The following RAPGEF5 variants were observed in gnomAD, a reference collection of about 807,000 sequenced individuals.
RAPGEF5 encodes the protein Rap guanine nucleotide exchange factor 5, also known as M-Ras-regulated GEF.
A neutral mutation model predicts 125.2 loss-of-function variants in RAPGEF5; 65 were observed. The observed-to-expected ratio is 0.52, with a 90% CI of 0.43 to 0.64. RAPGEF5 has a LOEUF of 0.64. Among genes scored for constraint, RAPGEF5 ranks in the 30% least tolerant of loss-of-function variants. RAPGEF5 has a pLI of 0.00. For synonymous variants in RAPGEF5, 391 were observed against 385.9 expected, an observed-to-expected ratio of 1.01 and a Z score of -0.16; for missense variants, 958 against 1,048.1, an observed-to-expected ratio of 0.91 and a Z score of 1.19.
rs1166965859 is a variant in RAPGEF5 at position 22,120,953 on chromosome 7, A to G, written c.*1453T>C. On this transcript the variant is annotated 3_prime_UTR_variant, in exon 26 of 26. Coordinates refer to ENST00000665637, the MANE Select transcript of RAPGEF5 (RefSeq NM_012294.5). This position sits in a 1 kb window ranked among gnomAD's most constrained non-coding sequence, Gnocchi z 4.0. The stretch of plus-strand genomic sequence containing the variant: ...AAAAAGGAAACAGGTCTGTGTGGGC[A>G]TGAAAGAGATGAACAGGCAGGAAGA... 2.0e-5 allele frequency: 3 copies of G among 152,274 alleles called. No individual in the cohort carries two copies. The highest frequency in any genetic ancestry group is 4.4e-5 in the Non-Finnish European group (3 of 68,078). The allele number at this position is 152,274 out of a possible 1,614,324, so 9.4% of individuals were successfully genotyped here.
chr7:22,268,184 T>G (rs1782330232), intron 6 of RAPGEF5, among the ~76,000 whole-genome samples: 1 of 152,188 alleles, frequency 6.6e-6, no homozygotes, highest in East Asian at 1.9e-4. Context: ...TTTGACACTG[T>G]AAGATTCTCT....
chr7:22,201,693 C>G (rs1024018833), intron 9 of RAPGEF5, among the ~76,000 whole-genome samples: 36 of 152,236 alleles, frequency 2.4e-4, no homozygotes, highest in African/African-American at 8.7e-4. Flanking sequence ...TTGCTTCACA[C>G]TCTGCACTTC....
chr7:22,135,369 A>G (rs1783048016), intron 23 of RAPGEF5, among the ~76,000 whole-genome samples: 1 of 152,250 alleles, frequency 6.6e-6, no homozygotes, highest in African/African-American at 2.4e-5. Flanking sequence ...GGTATACACC[A>G]GATTAAAAAG....
chr7:22,273,924 C>T (rs1286464231), intron 6 of RAPGEF5, among the ~76,000 whole-genome samples: 1 of 152,206 alleles, frequency 6.6e-6, no homozygotes, highest in African/African-American at 2.4e-5. Context: ...ATAGTATCCA[C>T]AGGAGAATGA....
At chr7:22,245,990 A>G (rs757234801) in intron 7 of RAPGEF5, among the ~76,000 whole-genome samples, 1 of 151,966 alleles carries the variant, frequency 6.6e-6, no homozygotes, top group Non-Finnish European at 1.5e-5. Flanking sequence ...CAGCCACACA[A>G]AAAACAAAAT....
intron 11 of RAPGEF5, among the ~76,000 whole-genome samples, chr7:22,179,070 AT>A (rs988470656): frequency 1.3e-5 from 2 of 152,194 alleles, no homozygotes; most frequent in Non-Finnish European, 2.9e-5. Flanking sequence ...TCTATCACTC[AT>A]GAAATTCCAT....
chr7:22,199,443 G>A (rs868591835), intron 9 of RAPGEF5, among the ~76,000 whole-genome samples: 3 of 150,144 alleles, frequency 2.0e-5, no homozygotes, highest in Non-Finnish European at 4.4e-5. Flanking sequence ...AAGCTGCCTC[G>A]GGCCTGATGG....
At chr7:22,129,193 T>A (rs1782839740) in intron 24 of RAPGEF5, among the ~76,000 whole-genome samples, 1 of 152,054 alleles carries the variant, frequency 6.6e-6, no homozygotes, top group African/African-American at 2.4e-5. Context: ...TTGGTGGCAC[T>A]ATCTGAGGGG....
rs1185081504 is a variant in RAPGEF5 at position 22,189,523 on chromosome 7, TTC to T, written c.1204+3842_1204+3843del. 2.6e-5 allele frequency among the ~76,000 whole-genome samples: 4 copies of T among 152,200 alleles called. No homozygotes were observed. In the East Asian group the frequency reaches 7.7e-4, roughly 29 times the overall value. ...TCTAACTCACAGCTCCTTGTTTTTT[TTC>T]TTTCTTACCTTCCTCGTAATTCTCT... On this transcript the variant is annotated intron_variant, in intron 11 of 25. Transcript: ENST00000665637.
chr7:22,258,989 C>T (rs1782079520), intron 7 of RAPGEF5, among the ~76,000 whole-genome samples: 1 of 152,034 alleles, frequency 6.6e-6, no homozygotes, highest in South Asian at 2.1e-4. Context: ...GAAGGCATGA[C>T]TCATGCGAGA....
chr7:22,162,305 G>T, intron 13 of RAPGEF5, 92 bp downstream of exon 13: 1 of 1,313,936 alleles, frequency 7.6e-7, no homozygotes, highest in Non-Finnish European at 1.1e-6. Context: ...AAAGCTGAAT[G>T]ACTGTTACCT....
chr7:22,150,714 A>G (rs191100264), intron 17 of RAPGEF5, among the ~76,000 whole-genome samples: 34 of 152,342 alleles, frequency 2.2e-4, no homozygotes, highest in African/African-American at 7.9e-4. Flanking sequence ...GCGGTCAGAA[A>G]GTGGAGTCCT....
intron 1 of RAPGEF5, among the ~76,000 whole-genome samples, chr7:22,331,623 T>C (rs1783920257): frequency 1.3e-5 from 2 of 151,428 alleles, no homozygotes; most frequent in African/African-American, 4.9e-5. Context: ...TGGGCGCCCG[T>C]AGTCCCAGCT....
intron 6 of RAPGEF5, among the ~76,000 whole-genome samples, chr7:22,288,705 G>C (rs984251302): frequency 1.1e-4 from 17 of 151,912 alleles, no homozygotes; most frequent in African/African-American, 4.1e-4. Flanking sequence ...TGTATTTTTA[G>C]TAGAGATGGG....
At chr7:22,185,350 C>T (rs1316017599) in intron 11 of RAPGEF5, among the ~76,000 whole-genome samples, 1 of 152,194 alleles carries the variant, frequency 6.6e-6, no homozygotes, top group African/African-American at 2.4e-5. Flanking sequence ...GAACCTGGTT[C>T]TCATAGCTAG....
chr7:22,147,799 G>A (rs919514974), intron 18 of RAPGEF5, among the ~76,000 whole-genome samples: 3 of 152,068 alleles, frequency 2.0e-5, no homozygotes, highest in Admixed American at 1.3e-4. Flanking sequence ...CATTTGAAGC[G>A]TTAGATTTGA....
At chr7:22,185,998 G>A (rs533269040) in intron 11 of RAPGEF5, among the ~76,000 whole-genome samples, 2 of 152,098 alleles carry the variant, frequency 1.3e-5, no homozygotes, top group Admixed American at 1.3e-4. Flanking sequence ...GCTAATTTTT[G>A]TATTTTTAGT....
At chr7:22,340,833 T>C (rs539756020) in intron 1 of RAPGEF5, among the ~76,000 whole-genome samples, 2 of 152,330 alleles carry the variant, frequency 1.3e-5, no homozygotes, top group South Asian at 4.1e-4. Context: ...TGGGCTCCTG[T>C]CCTCTGGGCT....
chr7:22,119,515 T>G lies in RAPGEF5; in HGVS notation c.*2891A>C, dbSNP rs1782517870. ...GCAAATGTGTATGTAAAACAAAATT[T>G]TTTTTAATAGCAAGGTTGTGATTTT... is the stretch of plus-strand genomic sequence containing the variant. On this transcript the variant is annotated 3_prime_UTR_variant, in exon 26 of 26. Transcript: ENST00000665637. The surrounding 1 kb of genome is among the most constrained non-coding windows in gnomAD (Gnocchi z 4.1). The G allele has an allele frequency of 6.6e-6, 1 of 152,202 alleles. No homozygotes were observed. The highest frequency in any genetic ancestry group is 1.5e-5 in the Non-Finnish European group (1 of 68,020). The allele number at this position is 152,202 out of a possible 1,614,324, so 9.4% of individuals were successfully genotyped here.
Sources: gnomAD v4.1 joint callset for allele counts (sites outside exome capture counted in the v4.1 genomes callset) on GRCh38, gnomAD v4.1.1 for gene constraint, Gnocchi (gnomAD v3.1) non-coding constraint, MANE v1.5 for transcripts, NCBI Gene and HGNC (gene_info 2026-07-23, HGNC 2026-07-21) for gene names.